The following RYR2 variants were observed in gnomAD, a reference collection of about 807,000 sequenced individuals.
The protein encoded by RYR2 is ryanodine receptor 2.
A neutral mutation model predicts 601.1 loss-of-function variants in RYR2; 227 were observed. The ratio of observed to expected loss-of-function variants is 0.38; its 90% CI spans 0.34 to 0.42. RYR2 has a LOEUF of 0.42. RYR2 is among the 10% of genes least tolerant of loss of function. The probability of loss-of-function intolerance (pLI) is 1.00; values close to 1 mark genes in which losing one functional copy is unlikely to be tolerated. For missense variants in RYR2, 4,646 were observed against 6,156.5 expected (o/e 0.75, Z 8.21); for synonymous variants, 2,223 against 2,175.1 (o/e 1.02, Z -0.61).
At chr1:237,214,838 A>G in intron 1 of RYR2, among the ~76,000 whole-genome samples, 1 of 152,332 alleles carries the variant, frequency 6.6e-6, no homozygotes, top group African/African-American at 2.4e-5. Context: ...TTCATTGAAT[A>G]TATTTGCAAA....
chr1:237,455,192 A>T (rs1005647915), intron 15 of RYR2, among the ~76,000 whole-genome samples: 1 of 152,200 alleles, frequency 6.6e-6, no homozygotes, highest in African/African-American at 2.4e-5. Context: ...ACCAAATGAT[A>T]TATCTCATGT....
intron 3 of RYR2, among the ~76,000 whole-genome samples, chr1:237,353,529 A>G (rs61500017): frequency 0.017 from 2,564 of 151,442 alleles, 78 homozygotes; most frequent in African/African-American, 0.059. Context: ...AAAAAAAAAA[A>G]AAGAATGCAA....
chr1:237,472,207 G>A (rs4367778), intron 17 of RYR2, among the ~76,000 whole-genome samples: 1 of 152,006 alleles, frequency 6.6e-6, no homozygotes, highest in South Asian at 2.1e-4. Context: ...ATTGTGCTTT[G>A]CTCTTTACAA....
intron 66 of RYR2, 27 bp downstream of exon 66, chr1:237,702,086 T>C (rs767572453): frequency 1.1e-5 from 13 of 1,216,650 alleles, no homozygotes; most frequent in Admixed American, 1.7e-5. Flanking sequence ...TTTAACTTTG[T>C]ATTAATTGCT....
At chr1:237,529,512 T>G (rs981838845) in intron 24 of RYR2, among the ~76,000 whole-genome samples, 4 of 152,142 alleles carry the variant, frequency 2.6e-5, no homozygotes, top group African/African-American at 9.7e-5. Context: ...TATATACATA[T>G]AACCATCAAC....
At chr1:237,457,078 A>T (rs1402829814) in intron 16 of RYR2, among the ~76,000 whole-genome samples, 2 of 152,276 alleles carry the variant, frequency 1.3e-5, no homozygotes, top group East Asian at 3.9e-4. Context: ...GTAGCTAGAG[A>T]AGTAGATTTG....
At chr1:237,381,092 G>C (rs890607440) in intron 8 of RYR2, among the ~76,000 whole-genome samples, 2 of 151,340 alleles carry the variant, frequency 1.3e-5, no homozygotes, top group African/African-American at 4.8e-5. Flanking sequence ...AGAAAAAAAA[G>C]AAATGATCTG....
chr1:237,548,665 A>C (rs920121575), intron 26 of RYR2, 75 bp downstream of exon 26: 4 of 1,530,744 alleles, frequency 2.6e-6, no homozygotes, highest in Non-Finnish European at 3.6e-6. Context: ...GAAGGATTAC[A>C]TAATGACTAT....
chr1:237,361,415 G>A (rs548956554), intron 4 of RYR2, among the ~76,000 whole-genome samples: 12 of 152,226 alleles, frequency 7.9e-5, no homozygotes, highest in South Asian at 2.1e-4. Context: ...ATCTTGATAC[G>A]TGGAGAGGAA....
chr1:237,733,802 G>A (rs1350289327), intron 79 of RYR2, 46 bp downstream of exon 79: 2 of 1,283,370 alleles, frequency 1.6e-6, no homozygotes, highest in Non-Finnish European at 1.1e-6. Context: ...TTTAATAAAG[G>A]GAAGTAACTT....
At chr1:237,681,815 CT>C (rs1558209489) in intron 62 of RYR2, among the ~76,000 whole-genome samples, 2 of 152,050 alleles carry the variant, frequency 1.3e-5, no homozygotes, top group Admixed American at 6.6e-5. Flanking sequence ...CAGTATCCCC[CT>C]GTGGATTGTG....
intron 10 of RYR2, among the ~76,000 whole-genome samples, chr1:237,392,351 G>A (rs12083848): frequency 0.039 from 5,941 of 152,182 alleles, 417 homozygotes; most frequent in African/African-American, 0.13. Flanking sequence ...CAAAGGATCA[G>A]TGCCTGAAGT....
intron 101 of RYR2, among the ~76,000 whole-genome samples, chr1:237,821,869 T>C (rs2819734): frequency 0.26 from 39,472 of 150,876 alleles, 5,545 homozygotes; most frequent in East Asian, 0.61. Context: ...ACAAGAACTT[T>C]GTGAAGCATA....
intron 24 of RYR2, among the ~76,000 whole-genome samples, chr1:237,525,070 A>G (rs1316450459): frequency 6.6e-6 from 1 of 152,176 alleles, no homozygotes; most frequent in Admixed American, 6.5e-5. Flanking sequence ...CCCATTACCT[A>G]AATAGTCAAC....
At chr1:237,449,643 T>TTATCA (rs1657835435) in intron 14 of RYR2, among the ~76,000 whole-genome samples, 1 of 152,158 alleles carries the variant, frequency 6.6e-6, no homozygotes, top group Non-Finnish European at 1.5e-5. Flanking sequence ...TTAACATTTC[T>TTATCA]TATCATGCAA....
chr1:237,512,917 C>T (rs1190076274), intron 24 of RYR2, among the ~76,000 whole-genome samples: 1 of 152,126 alleles, frequency 6.6e-6, no homozygotes, highest in African/African-American at 2.4e-5. Context: ...CAGAGTCTTA[C>T]TGTGTTGCCC....
chr1:237,270,618 T>C lies in RYR2; in HGVS notation c.168+2T>C. On this transcript the variant is annotated splice_donor_variant, in intron 2 of 104. Coordinates refer to ENST00000366574, the MANE Select transcript of RYR2 (RefSeq NM_001035.3). LOFTEE classifies it high-confidence loss of function. ...TTGGAGTCCACTTCCAATTCCAAGGTGGGATGAAGTCTTTCAAGGCTATTC... is the reference window on the plus strand; with the variant it reads ...TTGGAGTCCACTTCCAATTCCAAGGCGGGATGAAGTCTTTCAAGGCTATTC... 6.4e-7 allele frequency: 1 copy of C among 1,574,274 alleles called. No homozygotes were observed. Among genetic ancestry groups the C allele is most frequent in the Non-Finnish European group, 8.6e-7 (1 of 1,158,892 alleles).
Position 237,540,670 on chromosome 1 carries a change from G to A in RYR2, c.2907-7761G>A, listed in dbSNP as rs568449960. 9.3e-5 allele frequency among the ~76,000 whole-genome samples: 14 copies of A among 150,664 alleles called. No individual in the cohort carries two copies. In the South Asian group the frequency reaches 2.5e-3, roughly 27 times the overall value. Reference sequence around the variant, plus strand: ...TGCAGTGAGCTGAGATCGCATCATTGTAATCCAGCCTGGACAACAAAAGTG... The same window carrying A: ...TGCAGTGAGCTGAGATCGCATCATTATAATCCAGCCTGGACAACAAAAGTG... On this transcript the variant is annotated intron_variant, in intron 25 of 104. Coordinates refer to ENST00000366574, the MANE Select transcript of RYR2 (RefSeq NM_001035.3).
intron 1 of RYR2, among the ~76,000 whole-genome samples, chr1:237,159,153 T>A (rs1439101186): frequency 2.0e-5 from 3 of 152,070 alleles, no homozygotes; most frequent in African/African-American, 7.2e-5. Context: ...TAGCTGCGCG[T>A]GGTGGTGCAT....
Sources: gnomAD v4.1 joint callset for allele counts (sites outside exome capture counted in the v4.1 genomes callset) on GRCh38, gnomAD v4.1.1 for gene constraint, MANE v1.5 for transcripts, NCBI Gene and HGNC (gene_info 2026-07-23, HGNC 2026-07-21) for gene names.